The following ABHD3 variants were observed in gnomAD, a reference collection of about 807,000 sequenced individuals.
The protein encoded by ABHD3 is phospholipase ABHD3.
ABHD3 carries 46 observed loss-of-function variants against 48.8 expected under a neutral mutation model. The observed-to-expected ratio is 0.94, with a 90% CI of 0.74 to 1.20. The LOEUF is 1.20. ABHD3 is among the 50% of genes most tolerant of loss of function. ABHD3 has a pLI of 0.00. For synonymous variants in ABHD3, 192 were observed against 183.7 expected, an observed-to-expected ratio of 1.04 and a Z score of -0.36; for missense variants, 490 against 497.8, an observed-to-expected ratio of 0.98 and a Z score of 0.15.
At chr18:21,697,139 G>A (rs564119787) in intron 3 of ABHD3, among the ~76,000 whole-genome samples, 20 of 149,234 alleles carry the variant, frequency 1.3e-4, no homozygotes, top group African/African-American at 3.7e-4. Context: ...GCAGTGGTGC[G>A]ATCTCGGATT....
At position 21,704,676 on chromosome 18, in the gene ABHD3, C is replaced by T; in HGVS notation, c.-11G>A. The T allele has an allele frequency of 6.8e-7, 1 of 1,462,734 alleles. No individual in the cohort carries two copies. Among genetic ancestry groups the T allele is most frequent in the Non-Finnish European group, 9.0e-7 (1 of 1,106,318 alleles). The allele number at this position is 1,462,734 out of a possible 1,614,324, so 90.6% of individuals were successfully genotyped here. A position where few individuals can be genotyped will look rare whatever the true frequency, so the allele number is the denominator to read the frequency against. On this transcript the variant is annotated 5_prime_UTR_variant, in exon 1 of 9. Transcript: ENST00000289119. ...GGCCAGGCGCTGCATGGCCCCCGAG[C>T]GCGGCGCGCGGGTCCTGCGGCGGGA...
At chr18:21,669,782 A>G (rs1160257839) in intron 4 of ABHD3, among the ~76,000 whole-genome samples, 1 of 152,138 alleles carries the variant, frequency 6.6e-6, no homozygotes, top group African/African-American at 2.4e-5. Context: ...CCTTAACTGC[A>G]CAGCTGATAA....
intron 3 of ABHD3, among the ~76,000 whole-genome samples, chr18:21,693,080 T>C (rs777286060): frequency 5.9e-5 from 9 of 152,220 alleles, no homozygotes; most frequent in Non-Finnish European, 1.3e-4. Flanking sequence ...CTGGGCTCTC[T>C]TGGAGTGGCA....
At chr18:21,668,519 T>C (rs1212932864) in intron 4 of ABHD3, among the ~76,000 whole-genome samples, 1 of 152,150 alleles carries the variant, frequency 6.6e-6, no homozygotes, top group East Asian at 1.9e-4. Context: ...AGAATCTTTG[T>C]GTCAAAAGGA....
At chr18:21,697,901 C>G (rs2040417311) in intron 3 of ABHD3, among the ~76,000 whole-genome samples, 1 of 152,098 alleles carries the variant, frequency 6.6e-6, no homozygotes. Context: ...GTTAGGTTCT[C>G]TCTAATGTCT....
intron 6 of ABHD3, 114 bp from the exon 7 acceptor site, chr18:21,657,266 C>A (rs2039378610): frequency 3.5e-6 from 3 of 853,808 alleles, no homozygotes; most frequent in East Asian, 2.7e-5. Flanking sequence ...AGTTGGCACT[C>A]AATAAATATT....
At chr18:21,657,484 G>A (rs1172266649) in intron 6 of ABHD3, among the ~76,000 whole-genome samples, 1 of 151,680 alleles carries the variant, frequency 6.6e-6, no homozygotes, top group African/African-American at 2.4e-5. Context: ...GACTACAGGT[G>A]TGCACCACCA....
intron 4 of ABHD3, among the ~76,000 whole-genome samples, chr18:21,665,749 T>C (rs2039608496): frequency 6.6e-6 from 1 of 151,328 alleles, no homozygotes; most frequent in African/African-American, 2.4e-5. Flanking sequence ...GAGGTGGAGC[T>C]TGCAGTGAGC....
chr18:21,704,538 G>C lies in ABHD3; in HGVS notation c.128C>G (p.Ala43Gly), dbSNP rs760540749. 3 of 1,511,912 alleles carry C rather than the reference G, an allele frequency of 2.0e-6. No homozygotes were observed. The highest frequency in any genetic ancestry group is 2.7e-6 in the Non-Finnish European group (3 of 1,130,106). The allele number at this position is 1,511,912 out of a possible 1,614,324, so 93.7% of individuals were successfully genotyped here. ...GLSLILGFSV[A>G]YAFYYLSSIA... ...GCTGCTCAGGTAGTAGAAGGCATAA[G>C]CGACGCTGAAGCCCAGGATAAGGGA... The change falls in exon 1 of 9, where the codon GCT (alanine) becomes GGT (glycine). Residue 43 changes from alanine (A) to glycine (G), a missense_variant. Ala to Gly is a moderately conservative substitution (Grantham distance 60, BLOSUM62 0). Transcript: ENST00000289119.
intron 4 of ABHD3, among the ~76,000 whole-genome samples, chr18:21,677,840 C>T (rs1021535153): frequency 7.2e-5 from 11 of 151,956 alleles, no homozygotes; most frequent in Non-Finnish European, 1.2e-4. Flanking sequence ...CGCACCACCA[C>T]GCCTGGCTAA....
At chr18:21,678,227 T>C (rs776415422) in intron 4 of ABHD3, among the ~76,000 whole-genome samples, 4 of 152,230 alleles carry the variant, frequency 2.6e-5, no homozygotes, top group Admixed American at 2.0e-4. Context: ...AGTGCTGGGA[T>C]TACAGGTATG....
intron 3 of ABHD3, among the ~76,000 whole-genome samples, chr18:21,697,443 G>C (rs192054033): frequency 2.0e-5 from 3 of 152,210 alleles, no homozygotes; most frequent in East Asian, 3.9e-4. Flanking sequence ...GCAGTGGCAT[G>C]ATCTTGACTC....
chr18:21,704,402 C>T, intron 1 of ABHD3, 102 bp downstream of exon 1: 3 of 1,176,640 alleles, frequency 2.5e-6, no homozygotes, highest in Non-Finnish European at 3.2e-6. Context: ...CGCCGCCTAT[C>T]CCCGGGGCTG....
intron 3 of ABHD3, among the ~76,000 whole-genome samples, chr18:21,689,139 T>C (rs1422117805): frequency 6.6e-6 from 1 of 152,166 alleles, no homozygotes; most frequent in Non-Finnish European, 1.5e-5. Flanking sequence ...GAGTTGACAC[T>C]AGGAAAATGA....
intron 5 of ABHD3, among the ~76,000 whole-genome samples, chr18:21,661,567 G>A (rs1371687195): frequency 1.3e-5 from 2 of 151,858 alleles, no homozygotes; most frequent in South Asian, 4.1e-4. Flanking sequence ...GGAGGCAAAG[G>A]TTGCAGTGAG....
chr18:21,703,854 A>G (rs1309921571), intron 1 of ABHD3, 107 bp from the exon 2 acceptor site: 7 of 1,284,318 alleles, frequency 5.5e-6, no homozygotes, highest in Non-Finnish European at 7.6e-6. Flanking sequence ...TCCTCCGATT[A>G]CAACTCTTTC....
At chr18:21,655,765 G>C (rs553797533) in intron 8 of ABHD3, among the ~76,000 whole-genome samples, 2 of 151,438 alleles carry the variant, frequency 1.3e-5, no homozygotes, top group Non-Finnish European at 2.9e-5. Context: ...GCTTGAACTC[G>C]GGAGGCGTGA....
At chr18:21,681,565 C>T (rs2040005000) in intron 4 of ABHD3, among the ~76,000 whole-genome samples, 1 of 152,180 alleles carries the variant, frequency 6.6e-6, no homozygotes, top group African/African-American at 2.4e-5. Context: ...TTCCTACACA[C>T]CACTGCCATG....
chr18:21,655,161 A>G (rs2039314302), intron 8 of ABHD3: 1 of 152,140 alleles, frequency 6.6e-6, no homozygotes. Flanking sequence ...ATATATATAT[A>G]CACACACTGG....
Sources: gnomAD v4.1 joint callset for allele counts (sites outside exome capture counted in the v4.1 genomes callset) on GRCh38, gnomAD v4.1.1 for gene constraint, MANE v1.5 for transcripts, NCBI Gene and HGNC (gene_info 2026-07-23, HGNC 2026-07-21) for gene names.